The following LMOD1 variants were observed in gnomAD, a reference collection of about 807,000 sequenced individuals.
LMOD1 encodes leiomodin 1, also known as leiomodin-1.
A neutral mutation model predicts 36.5 loss-of-function variants in LMOD1; 8 were observed. The observed-to-expected ratio is 0.22, with a 90% CI of 0.13 to 0.40. The LOEUF (loss-of-function observed/expected upper bound fraction) is 0.40. LMOD1 is among the 10% of genes least tolerant of loss of function. The pLI is 1.00. For synonymous variants in LMOD1, 284 were observed against 288.7 expected (o/e 0.98, Z 0.17); for missense variants, 630 against 751.1 (o/e 0.84, Z 1.88).
chr1:201,903,807 A>G (rs1308055978), intron 1 of LMOD1, among the ~76,000 whole-genome samples: 1 of 152,184 alleles, frequency 6.6e-6, no homozygotes, highest in African/African-American at 2.4e-5. Flanking sequence ...TGCACATTTC[A>G]GGAGTTCTCA....
At chr1:201,946,037 C>T (rs1305698064) in intron 1 of LMOD1, 43 bp downstream of exon 1, 2 of 1,585,672 alleles carry the variant, frequency 1.3e-6, no homozygotes, top group Non-Finnish European at 1.7e-6. Context: ...GTCTCCAGCC[C>T]TCCCCTGTCT....
intron 1 of LMOD1, among the ~76,000 whole-genome samples, chr1:201,932,935 C>G (rs540184687): frequency 1.3e-5 from 2 of 152,198 alleles, no homozygotes; most frequent in African/African-American, 4.8e-5. Flanking sequence ...CGCAGAAATT[C>G]CATTCTTAGG....
At chr1:201,919,336 C>T (rs1195671670) in intron 1 of LMOD1, among the ~76,000 whole-genome samples, 1 of 152,078 alleles carries the variant, frequency 6.6e-6, no homozygotes, top group African/African-American at 2.4e-5. Context: ...TCCCAAGTAG[C>T]TGGGATTACA....
chr1:201,933,389 G>C (rs1334157267), intron 1 of LMOD1, among the ~76,000 whole-genome samples: 1 of 150,706 alleles, frequency 6.6e-6, no homozygotes, highest in Non-Finnish European at 1.5e-5. Flanking sequence ...ACTCCAGCCT[G>C]GGCAACAGGA....
intron 1 of LMOD1, among the ~76,000 whole-genome samples, chr1:201,934,726 T>C (rs1681987795): frequency 6.6e-6 from 1 of 152,214 alleles, no homozygotes; most frequent in East Asian, 1.9e-4. Flanking sequence ...AAGGTTCCAA[T>C]GGCTTCCATC....
chr1:201,901,342 A>G (rs990594658), intron 1 of LMOD1, among the ~76,000 whole-genome samples: 1 of 150,974 alleles, frequency 6.6e-6, no homozygotes, highest in African/African-American at 2.4e-5. Flanking sequence ...TGTGTCTACT[A>G]AAATACAAAA....
In LMOD1 at chr1:201,899,098, A is replaced by G. The variant is rs1681242886; in HGVS notation, c.1776+139T>C. 2 of 722,570 alleles carry G rather than the reference A, an allele frequency of 2.8e-6. No homozygotes were observed. The allele number at this position is 722,570 out of a possible 1,614,324, so 44.8% of individuals were successfully genotyped here. On this transcript the variant is annotated intron_variant, in intron 2 of 2. Transcript: ENST00000367288. The surrounding 1 kb of genome is among the most constrained non-coding windows in gnomAD (Gnocchi z 6.3). ...CAGGAGGATGCATGAGATGACCTGA[A>G]GTCCCCTATGGGCCCTGGGAGTCTA...
Position 201,931,294 on chromosome 1 carries a change from G to A in LMOD1, c.261+14786C>T, listed in dbSNP as rs117629204. 1.3e-4 allele frequency among the ~76,000 whole-genome samples: 20 copies of A among 152,320 alleles called. No homozygotes were observed. In the East Asian group the frequency reaches 2.7e-3, roughly 21 times the overall value. On this transcript the variant is annotated intron_variant, in intron 1 of 2. Transcript: ENST00000367288. The stretch of plus-strand genomic sequence containing the variant: ...TCACGCCTGTAATTCCAACACTTCG[G>A]GAGGCCAAGACAGATGGATCACTTG...
At chr1:201,918,451 C>A (rs554656954) in intron 1 of LMOD1, among the ~76,000 whole-genome samples, 3 of 152,200 alleles carry the variant, frequency 2.0e-5, no homozygotes, top group Non-Finnish European at 4.4e-5. Context: ...AGCATGGCAA[C>A]AAAGCCCTCC....
chr1:201,900,162 T>C lies in LMOD1; in HGVS notation c.851A>G (p.Asp284Gly), dbSNP rs1166603638. 6.2e-7 allele frequency: 1 copy of C among 1,613,954 alleles called. No homozygotes were observed. The highest frequency in any genetic ancestry group is 1.7e-5 in the Admixed American group (1 of 60,024). ...NEPLHEKEAK[D>G]DSKTKTPEKQ... is the part of the protein sequence containing the mutation. ...CTCGGGTGTTTTGGTCTTGCTGTCA[T>C]CCTTGGCTTCCTTTTCATGTAAGGG... Residue 284 changes from aspartate to glycine, a missense_variant, in exon 2 of 3, where the codon GAT (aspartate) becomes GGT (glycine). By Grantham distance (94) the Asp-to-Gly change is moderately conservative. Coordinates refer to ENST00000367288, the MANE Select transcript of LMOD1 (RefSeq NM_012134.3).
rs1681208226 is a variant in LMOD1 at position 201,897,086 on chromosome 1, T to A, written c.*1286A>T. On this transcript the variant is annotated 3_prime_UTR_variant, in exon 3 of 3. Transcript: ENST00000367288. ...CCCGATGGTGGGCATGGCAGCATTGTCAGCATTCCTGCAGTTGGGGCAGGA... is the reference window on the plus strand; with the variant it reads ...CCCGATGGTGGGCATGGCAGCATTGACAGCATTCCTGCAGTTGGGGCAGGA... 3.8e-6 allele frequency: 1 copy of A among 265,546 alleles called. No homozygotes were observed. 16.4% of individuals were successfully genotyped at this position (265,546 alleles called of 1,614,324 possible).
chr1:201,935,219 A>C (rs1681994996), intron 1 of LMOD1, among the ~76,000 whole-genome samples: 1 of 152,198 alleles, frequency 6.6e-6, no homozygotes, highest in African/African-American at 2.4e-5. Context: ...TGAGAGCTCA[A>C]AGATGGTTTG....
chr1:201,937,785 T>C (rs541393111), intron 1 of LMOD1, among the ~76,000 whole-genome samples: 13 of 152,114 alleles, frequency 8.5e-5, no homozygotes, highest in Non-Finnish European at 1.5e-4. Flanking sequence ...CAAACAAACA[T>C]AGACTGTAAC....
At chr1:201,900,879 G>A in intron 1 of LMOD1, 128 bp from the exon 2 acceptor site, 1 of 780,668 alleles carries the variant, frequency 1.3e-6, no homozygotes, top group Non-Finnish European at 2.0e-6. Flanking sequence ...TGTGCTGTTT[G>A]GGAGAGTGGG....
At chr1:201,938,255 G>A (rs1163593583) in intron 1 of LMOD1, among the ~76,000 whole-genome samples, 4 of 151,274 alleles carry the variant, frequency 2.6e-5, no homozygotes, top group Admixed American at 6.6e-5. Flanking sequence ...TCAGCCTCCC[G>A]AGTAGCTGGG....
At chr1:201,931,565 G>A (rs1301621038) in intron 1 of LMOD1, among the ~76,000 whole-genome samples, 2 of 148,050 alleles carry the variant, frequency 1.4e-5, no homozygotes, top group Non-Finnish European at 3.0e-5. Context: ...GGGAGAGAAA[G>A]CTTGCATATA....
intron 1 of LMOD1, among the ~76,000 whole-genome samples, chr1:201,927,363 T>G (rs1681843433): frequency 6.6e-6 from 1 of 152,078 alleles, no homozygotes. Flanking sequence ...GTCAGGAGAT[T>G]GAGACCATCC....
Position 201,907,646 on chromosome 1 carries a change from C to T in LMOD1, c.262-6895G>A, listed in dbSNP as rs538731041. On this transcript the variant is annotated intron_variant, in intron 1 of 2. Transcript: ENST00000367288. Reference sequence around the variant, plus strand: ...TTTGAGAAGCCTCCCCCAAACCCACCCCAGTCCTATGGTGACAGAGGCCAG... The same window carrying T: ...TTTGAGAAGCCTCCCCCAAACCCACTCCAGTCCTATGGTGACAGAGGCCAG... Among the ~76,000 whole-genome samples, 17 of 151,876 alleles carry T rather than the reference C, an allele frequency of 1.1e-4. No homozygotes were observed. In the South Asian group the frequency reaches 3.5e-3, roughly 32 times the overall value.
At chr1:201,911,302 G>A (rs901497572) in intron 1 of LMOD1, among the ~76,000 whole-genome samples, 7 of 152,176 alleles carry the variant, frequency 4.6e-5, no homozygotes, top group Non-Finnish European at 1.0e-4. Context: ...TAGAGGAAAA[G>A]GTCCAGATGG....
Sources: gnomAD v4.1 joint callset for allele counts (sites outside exome capture counted in the v4.1 genomes callset) on GRCh38, gnomAD v4.1.1 for gene constraint, Gnocchi (gnomAD v3.1) non-coding constraint, MANE v1.5 for transcripts, NCBI Gene and HGNC (gene_info 2026-07-23, HGNC 2026-07-21) for gene names.